The following CXXC4 variants were observed in gnomAD, a reference collection of about 807,000 sequenced individuals.
The protein encoded by CXXC4 is CXXC-type zinc finger protein 4.
Under a neutral mutation model 20.5 loss-of-function variants are expected in CXXC4, and 5 were observed. That is an observed-to-expected ratio of 0.24 (90% CI 0.13 to 0.51). The LOEUF (loss-of-function observed/expected upper bound fraction) is 0.51, where lower values mean the gene tolerates loss of function less well. Ranked by LOEUF, CXXC4 falls within the 20% of genes least tolerant of loss-of-function variation. The pLI is 0.97. For synonymous variants in CXXC4, 250 were observed against 216.4 expected (o/e 1.16, Z -1.36); for missense variants, 419 against 496.4 (o/e 0.84, Z 1.48).
Position 104,469,025 on chromosome 4 carries a change from T to C in CXXC4, c.*3297A>G, listed in dbSNP as rs998523190. On this transcript the variant is annotated 3_prime_UTR_variant, in exon 3 of 3. Coordinates refer to ENST00000394767, the MANE Select transcript of CXXC4 (RefSeq NM_025212.4). Reference sequence around the variant, plus strand: ...CCATCTCTTGCTCCTTATAAATGTGTTTAGAAGAAGGAAATTGAGTGTTGG... The same window carrying C: ...CCATCTCTTGCTCCTTATAAATGTGCTTAGAAGAAGGAAATTGAGTGTTGG... The C allele has an allele frequency of 1.3e-5, 2 of 152,040 alleles. No homozygotes were observed. The highest frequency in any genetic ancestry group is 6.6e-5 in the Admixed American group (1 of 15,222). 9.4% of individuals were successfully genotyped at this position (152,040 alleles called of 1,614,324 possible). A position where few individuals can be genotyped will look rare whatever the true frequency, so the allele number is the denominator to read the frequency against.
At chr4:104,489,483 A>G (rs996325103) in intron 2 of CXXC4, among the ~76,000 whole-genome samples, 3 of 152,224 alleles carry the variant, frequency 2.0e-5, no homozygotes, top group Admixed American at 2.0e-4. Context: ...AAGAATGTAC[A>G]GATAACCCTA....
intron 2 of CXXC4, among the ~76,000 whole-genome samples, chr4:104,489,363 CTTT>C (rs1560543476): frequency 6.6e-6 from 1 of 152,112 alleles, no homozygotes; most frequent in Non-Finnish European, 1.5e-5. Context: ...ACTGTATCTT[CTTT>C]GTGTTCAAAC....
Position 104,491,425 on chromosome 4 carries a change from GCCT to G in CXXC4, c.375_377del (p.Gly134del), listed in dbSNP as rs1560544828. 9.5e-6 allele frequency: 10 copies of G among 1,050,330 alleles called. No homozygotes were observed. The highest frequency in any genetic ancestry group is 4.8e-5 in the South Asian group (1 of 21,018). The allele number at this position is 1,050,330 out of a possible 1,614,324, so 65.1% of individuals were successfully genotyped here. On this transcript the variant is annotated inframe_deletion, in exon 2 of 3. Coordinates refer to ENST00000394767, the MANE Select transcript of CXXC4 (RefSeq NM_025212.4). The stretch of plus-strand genomic sequence containing the variant: ...TGCCGCCCCCACCACCCCCGCCCCC[GCCT>G]CCGCCGCCGCCGCCGCCGCCGCCAC...
intron 2 of CXXC4, 143 bp from the exon 3 acceptor site, chr4:104,472,509 GAAGA>G: frequency 2.0e-6 from 1 of 509,026 alleles, no homozygotes; most frequent in South Asian, 4.0e-5. Flanking sequence ...TTAATAAAAA[GAAGA>G]AATGCTCAAT....
intron 2 of CXXC4, among the ~76,000 whole-genome samples, chr4:104,483,004 T>C (rs1423256624): frequency 6.6e-6 from 1 of 152,090 alleles, no homozygotes; most frequent in African/African-American, 2.4e-5. Flanking sequence ...TGAATTTTAA[T>C]GCAGAAGAGA....
At chr4:104,484,921 T>TA (rs1248737373) in intron 2 of CXXC4, among the ~76,000 whole-genome samples, 1 of 151,952 alleles carries the variant, frequency 6.6e-6, no homozygotes, top group African/African-American at 2.4e-5. Flanking sequence ...GACTCAAGGA[T>TA]AAAATCACCC....
rs1222953162 is a variant in CXXC4, at chr4:104,471,453, T to A, written c.*869A>T. The stretch of plus-strand genomic sequence containing the variant: ...AAAACACCGTTTTTATAAAAAAAAA[T>A]TATACAACTGATTCTGCATTTTCCA... On this transcript the variant is annotated 3_prime_UTR_variant, in exon 3 of 3. Transcript: ENST00000394767. The A allele has an allele frequency of 2.6e-5, 4 of 151,970 alleles. No homozygotes were observed. The highest frequency in any genetic ancestry group is 4.8e-5 in the African/African-American group (2 of 41,396). The allele number at this position is 151,970 out of a possible 1,614,324, so 9.4% of individuals were successfully genotyped here. A position where few individuals can be genotyped will look rare whatever the true frequency, so the allele number is the denominator to read the frequency against.
chr4:104,472,176 T>C lies in CXXC4; in HGVS notation c.*146A>G, dbSNP rs1736292680. ...GTCTTTTTCTTTTCTTTTCCTCTTTTTTTTTTTTTTTGAAGAAAGCCCTAT... is the reference window on the plus strand; with the variant it reads ...GTCTTTTTCTTTTCTTTTCCTCTTTCTTTTTTTTTTTGAAGAAAGCCCTAT... On this transcript the variant is annotated 3_prime_UTR_variant, in exon 3 of 3. Transcript: ENST00000394767. 9.7e-6 allele frequency: 4 copies of C among 412,318 alleles called. No homozygotes were observed. Among genetic ancestry groups the C allele is most frequent in the African/African-American group, 2.1e-5 (1 of 47,740 alleles). 25.5% of individuals were successfully genotyped at this position (412,318 alleles called of 1,614,324 possible).
chr4:104,471,765 C>T lies in CXXC4; in HGVS notation c.*557G>A, dbSNP rs1736282447. The T allele has an allele frequency of 6.6e-6, 1 of 152,030 alleles. No homozygotes were observed. The highest frequency in any genetic ancestry group is 1.5e-5 in the Non-Finnish European group (1 of 67,978). 9.4% of individuals were successfully genotyped at this position (152,030 alleles called of 1,614,324 possible). On this transcript the variant is annotated 3_prime_UTR_variant, in exon 3 of 3. Coordinates refer to ENST00000394767, the MANE Select transcript of CXXC4 (RefSeq NM_025212.4). ...TGGCAAAATGGTGCCAGTGCTGTTG[C>T]TGCTTCTAAACCACTGGCAAAAAAT...
intron 2 of CXXC4, 73 bp downstream of exon 2, chr4:104,490,671 A>G: frequency 7.6e-7 from 1 of 1,324,154 alleles, no homozygotes; most frequent in Non-Finnish European, 1.1e-6. Context: ...AAGCCAGACA[A>G]GAATCCCTGA....
At chr4:104,492,883 T>A (rs141024609) in intron 1 of CXXC4, among the ~76,000 whole-genome samples, 10 of 152,252 alleles carry the variant, frequency 6.6e-5, no homozygotes, top group Non-Finnish European at 1.3e-4. Context: ...TACATATTTA[T>A]TTATATCAGC....
At chr4:104,473,759 C>A (rs950732255) in intron 2 of CXXC4, among the ~76,000 whole-genome samples, 1 of 147,488 alleles carries the variant, frequency 6.8e-6, no homozygotes, top group African/African-American at 2.6e-5. Flanking sequence ...CACATACATA[C>A]ACACACATTA....
At chr4:104,474,008 C>T (rs533145307) in intron 2 of CXXC4, among the ~76,000 whole-genome samples, 10 of 152,008 alleles carry the variant, frequency 6.6e-5, no homozygotes, top group East Asian at 3.9e-4. Context: ...ACATGCTTTT[C>T]GCTATCTGTA....
intron 2 of CXXC4, among the ~76,000 whole-genome samples, chr4:104,484,013 CA>C (rs1736621220): frequency 6.6e-6 from 1 of 151,808 alleles, no homozygotes; most frequent in Non-Finnish European, 1.5e-5. Context: ...ATATCTTTGC[CA>C]ACTGGGTAAT....
Position 104,469,755 on chromosome 4 carries a change from AAAAGAAC to A in CXXC4, c.*2560_*2566del, listed in dbSNP as rs2110267133. 6.6e-6 allele frequency: 1 copy of A among 152,158 alleles called. No individual in the cohort carries two copies. The highest frequency in any genetic ancestry group is 2.1e-4 in the South Asian group (1 of 4,824). 9.4% of individuals were successfully genotyped at this position (152,158 alleles called of 1,614,324 possible). A position where few individuals can be genotyped will look rare whatever the true frequency, so the allele number is the denominator to read the frequency against. Reference sequence around the variant, plus strand: ...AAAAACATTAAAAAGTGGGTGGTATAAAAGAACAATATCAAGAATAAAAAACATAAGA... The same window carrying A: ...AAAAACATTAAAAAGTGGGTGGTATAAATATCAAGAATAAAAAACATAAGA... On this transcript the variant is annotated 3_prime_UTR_variant, in exon 3 of 3. Transcript: ENST00000394767.
At chr4:104,478,452 A>G (rs980800407) in intron 2 of CXXC4, among the ~76,000 whole-genome samples, 2 of 152,102 alleles carry the variant, frequency 1.3e-5, no homozygotes, top group African/African-American at 4.8e-5. Context: ...ACAGATTAAC[A>G]CCACGATTCA....
At chr4:104,475,227 T>C (rs1736374323) in intron 2 of CXXC4, 1 of 152,128 alleles carries the variant, frequency 6.6e-6, no homozygotes, top group Non-Finnish European at 1.5e-5. Flanking sequence ...TATTTCTTCC[T>C]TATATTAAGA....
chr4:104,486,153 A>G (rs532738195), intron 2 of CXXC4, among the ~76,000 whole-genome samples: 1 of 152,236 alleles, frequency 6.6e-6, no homozygotes, highest in South Asian at 2.1e-4. Flanking sequence ...CATGGCTTAG[A>G]ATTTACATGA....
chr4:104,486,467 A>T (rs1031196601), intron 2 of CXXC4, among the ~76,000 whole-genome samples: 2 of 151,954 alleles, frequency 1.3e-5, no homozygotes, highest in Non-Finnish European at 2.9e-5. Flanking sequence ...TTTTTCCTAC[A>T]TTATTTATAT....
Sources: gnomAD v4.1 joint callset for allele counts (sites outside exome capture counted in the v4.1 genomes callset) on GRCh38, gnomAD v4.1.1 for gene constraint, MANE v1.5 for transcripts, NCBI Gene and HGNC (gene_info 2026-07-23, HGNC 2026-07-21) for gene names.